Variants in NOP9 observed in about 807,000 individuals in gnomAD.
NOP9 encodes nucleolar protein 9.
A neutral mutation model predicts 63.0 loss-of-function variants in NOP9; 50 were observed. That is an observed-to-expected ratio of 0.79 (90% CI 0.63 to 1.00). The LOEUF (loss-of-function observed/expected upper bound fraction) is 1.00, where lower values mean the gene tolerates loss of function less well. NOP9 is among the 50% of genes least tolerant of loss of function. The pLI, the probability that NOP9 is intolerant of heterozygous loss-of-function variation, is 0.00. For missense variants in NOP9, 758 were observed against 803.0 expected (o/e 0.94, Z 0.68); for synonymous variants, 343 against 332.8 (o/e 1.03, Z -0.33).
upstream of NOP9, among the ~76,000 whole-genome samples, chr14:24,295,840 G>C (rs1261476482): frequency 6.6e-6 from 1 of 152,186 alleles, no homozygotes; most frequent in Non-Finnish European, 1.5e-5. Flanking sequence ...ACATGCTTTA[G>C]TCACAGATTT....
At chr14:24,278,303 A>G in the NOP9 span, among the ~76,000 whole-genome samples, 3 of 152,196 alleles carry the variant, frequency 2.0e-5, no homozygotes, top group African/African-American at 7.2e-5. Flanking sequence ...ATGTTGAGCA[A>G]CAAAATGGTG....
At chr14:24,275,925 C>T in the NOP9 span, among the ~76,000 whole-genome samples, 85 of 152,210 alleles carry the variant, frequency 5.6e-4, no homozygotes, top group African/African-American at 1.9e-3. Context: ...TAGCACTGTC[C>T]GATAGAACTT....
intron 8 of NOP9, 44 bp downstream of exon 8, chr14:24,304,321 T>G: frequency 6.6e-7 from 1 of 1,518,988 alleles, no homozygotes. Flanking sequence ...CATCATCCAT[T>G]TAGAGAATAT....
Position 24,306,823 on chromosome 14 carries a change from C to G in NOP9, c.*1728C>G. 2.2e-6 allele frequency: 1 copy of G among 445,444 alleles called. No individual in the cohort carries two copies. Among genetic ancestry groups the G allele is most frequent in the Non-Finnish European group, 4.2e-6 (1 of 240,664 alleles). The allele number at this position is 445,444 out of a possible 1,614,324, so 27.6% of individuals were successfully genotyped here. ...AAGCCAGGTTCTCACGAAGTCCACCCTTCTGTCTTATCTACAATGCTGCAC... is the reference window on the plus strand; with the variant it reads ...AAGCCAGGTTCTCACGAAGTCCACCGTTCTGTCTTATCTACAATGCTGCAC... On this transcript the variant is annotated 3_prime_UTR_variant, in exon 10 of 10. Transcript: ENST00000267425.
At chr14:24,304,398 G>T in intron 8 of NOP9, 95 bp from the exon 9 acceptor site, 1 of 1,324,396 alleles carries the variant, frequency 7.6e-7, no homozygotes. Context: ...TTTTAATTCA[G>T]CCCTTAAACT....
the NOP9 span, chr14:24,292,342 C>T: frequency 2.4e-5 from 38 of 1,613,674 alleles, 1 homozygote; most frequent in South Asian, 2.3e-4. Context: ...TGTGGAGAGG[C>T]GGAAGGCAGG....
the NOP9 span, among the ~76,000 whole-genome samples, chr14:24,284,064 G>A: frequency 6.6e-6 from 1 of 152,218 alleles, no homozygotes; most frequent in Admixed American, 6.5e-5. Context: ...CACTGAGGGG[G>A]CAAGGATGCT....
chr14:24,301,681 G>A lies in NOP9; in HGVS notation c.767G>A (p.Arg256His), dbSNP rs745421528. 4.0e-5 allele frequency: 64 copies of A among 1,613,974 alleles called. No individual in the cohort carries two copies. Among genetic ancestry groups the A allele is most frequent in the East Asian group, 3.8e-4 (17 of 44,902 alleles). The part of the protein sequence containing the change: ...DFEVPETFLN[R>H]LQDLSSSFLK... ...GAAGTCCCTGAAACCTTTTTGAATC[G>A]CCTTCAGGACCTGAGCTCCTCCTTT... The change falls in exon 3 of 10, where the codon CGC becomes CAC. Residue 256 changes from arginine (R) to histidine (H), a missense_variant. Arg to His is a conservative substitution (Grantham distance 29). Coordinates refer to ENST00000267425, the MANE Select transcript of NOP9 (RefSeq NM_174913.3).
upstream of NOP9, among the ~76,000 whole-genome samples, chr14:24,296,054 C>T (rs765971748): frequency 3.9e-5 from 6 of 152,260 alleles, no homozygotes; most frequent in Admixed American, 2.6e-4. Flanking sequence ...GCTCTCCCAA[C>T]TCTGACCCGG....
Position 24,306,542 on chromosome 14 carries a change from C to G in NOP9, c.*1447C>G. On this transcript the variant is annotated 3_prime_UTR_variant, in exon 10 of 10. Transcript: ENST00000267425. ...CCAATGCCTGCCCAATGGCAAGAAG[C>G]AAGAAGGGCAGGTCTTATCCCATGC... 1 of 1,614,238 alleles carries G rather than the reference C, an allele frequency of 6.2e-7. No individual in the cohort carries two copies. Among genetic ancestry groups the G allele is most frequent in the Non-Finnish European group, 8.5e-7 (1 of 1,180,022 alleles).
the NOP9 span, among the ~76,000 whole-genome samples, chr14:24,286,098 G>A: frequency 6.6e-6 from 1 of 152,208 alleles, no homozygotes; most frequent in Non-Finnish European, 1.5e-5. Flanking sequence ...TGCCTCAGTT[G>A]GGGCGGGGCT....
chr14:24,302,086 C>G lies in NOP9; in HGVS notation c.930C>G (p.Arg310=). The change falls in exon 4 of 10, where the codon CGC becomes CGG. Residue 310 remains arginine, a synonymous_variant. Coordinates refer to ENST00000267425, the MANE Select transcript of NOP9 (RefSeq NM_174913.3). ...CTGTGATTGGCTACCTGAGTACTCG[C>G]GGTTCCTCAGTAGATGGCAGGTATG... is the stretch of plus-strand genomic sequence containing the variant. The part of the protein sequence containing the change: ...CNAVIGYLST[R]GSSVDGSPLL... 1 of 1,613,738 alleles carries G rather than the reference C, an allele frequency of 6.2e-7. No homozygotes were observed. The highest frequency in any genetic ancestry group is 8.5e-7 in the Non-Finnish European group (1 of 1,179,816).
chr14:24,271,372 C>A, the NOP9 span: 1 of 393,266 alleles, frequency 2.5e-6, no homozygotes, highest in South Asian at 1.1e-4. Context: ...TTCGCCCGGG[C>A]CAGAGCGCGA....
At chr14:24,276,770 A>G in the NOP9 span, among the ~76,000 whole-genome samples, 7 of 152,120 alleles carry the variant, frequency 4.6e-5, no homozygotes, top group Admixed American at 4.6e-4. Context: ...AACGGTTTAC[A>G]TTTTTTTCTG....
At chr14:24,304,373 G>A in intron 8 of NOP9, 96 bp downstream of exon 8, 3 of 1,296,310 alleles carry the variant, frequency 2.3e-6, no homozygotes, top group Non-Finnish European at 2.2e-6. Context: ...AAAAGGCTAT[G>A]TAATTCCTAG....
Position 24,306,774 on chromosome 14 carries a change from A to C in NOP9, c.*1679A>C. 1.9e-6 allele frequency: 1 copy of C among 517,308 alleles called. No homozygotes were observed. The allele number at this position is 517,308 out of a possible 1,614,324, so 32.0% of individuals were successfully genotyped here. ...ATCTCCCCTTGCTCCCCTCCAAGTC[A>C]CTTCTGGTTTGGAATTGGAAAGCAA... On this transcript the variant is annotated 3_prime_UTR_variant, in exon 10 of 10. Coordinates refer to ENST00000267425, the MANE Select transcript of NOP9 (RefSeq NM_174913.3).
the NOP9 span, among the ~76,000 whole-genome samples, chr14:24,281,202 C>A: frequency 6.6e-6 from 1 of 152,132 alleles, no homozygotes; most frequent in African/African-American, 2.4e-5. Flanking sequence ...GGCCCCTGAG[C>A]GGGGGTTTTG....
chr14:24,293,980 T>C, the NOP9 span: 1 of 152,186 alleles, frequency 6.6e-6, no homozygotes, highest in African/African-American at 2.4e-5. Context: ...AAGGAACCTG[T>C]CAAATCAGTG....
chr14:24,272,275 A>G, the NOP9 span, among the ~76,000 whole-genome samples: 4 of 152,270 alleles, frequency 2.6e-5, no homozygotes, highest in Non-Finnish European at 4.4e-5. Flanking sequence ...TTAAATAACA[A>G]TAAATAATAT....
Sources: gnomAD v4.1 joint callset for allele counts (sites outside exome capture counted in the v4.1 genomes callset) on GRCh38, gnomAD v4.1.1 for gene constraint, MANE v1.5 for transcripts, NCBI Gene and HGNC (gene_info 2026-07-23, HGNC 2026-07-21) for gene names.